Variants in KDELR3 observed in about 807,000 individuals in gnomAD.
KDELR3 encodes the protein KDEL endoplasmic reticulum protein retention receptor 3, also known as ER lumen protein-retaining receptor 3.
KDELR3 carries 26 observed loss-of-function variants against 22.7 expected under a neutral mutation model. That is an observed-to-expected ratio of 1.15 (90% CI 0.84 to 1.59). The LOEUF (loss-of-function observed/expected upper bound fraction) is 1.59, where lower values mean the gene tolerates loss of function less well. Ranked by LOEUF, KDELR3 falls within the 40% of genes most tolerant of loss-of-function variation. KDELR3 has a pLI of 0.00. For missense variants in KDELR3, 289 were observed against 251.1 expected (o/e 1.15, Z -1.02); for synonymous variants, 120 against 98.2 (o/e 1.22, Z -1.31).
In KDELR3 at chr22:38,468,123, A is replaced by AG; in HGVS notation, c.-108dup. On this transcript the variant is annotated 5_prime_UTR_variant, in exon 1 of 5. Transcript: ENST00000216014. The stretch of plus-strand genomic sequence containing the variant: ...GATCGCGGAGCTGTGAGGCGCAGGC[A>AG]GGGCTCTGGGGCACCTAGAGACCGG... The AG allele has an allele frequency of 2.2e-6, 2 of 890,194 alleles. No homozygotes were observed. Among genetic ancestry groups the AG allele is most frequent in the Non-Finnish European group, 3.6e-6 (2 of 555,184 alleles). 55.1% of individuals were successfully genotyped at this position (890,194 alleles called of 1,614,324 possible).
At position 38,481,355 on chromosome 22, in the gene KDELR3, C is replaced by G. The variant is rs752725188; in HGVS notation, c.495C>G (p.Asn165Lys). 2 of 1,614,202 alleles carry G rather than the reference C, an allele frequency of 1.2e-6. No homozygotes were observed. Among genetic ancestry groups the G allele is most frequent in the Non-Finnish European group, 1.7e-6 (2 of 1,180,046 alleles). ...TGTACCGGGCACTCTACCTGGCTAA[C>G]TGGATCAGGCGGTACCAGACTGAGA... ...LGLYRALYLA[N>K]WIRRYQTENF... The change falls in exon 4 of 5, where the codon AAC becomes AAG. Residue 165 changes from asparagine (N) to lysine (K), a missense_variant. Asn to Lys is a moderately conservative substitution (Grantham distance 94, BLOSUM62 0). Transcript: ENST00000216014.
intron 2 of KDELR3, among the ~76,000 whole-genome samples, chr22:38,475,312 C>T (rs1030301148): frequency 6.6e-6 from 1 of 151,710 alleles, no homozygotes; most frequent in Non-Finnish European, 1.5e-5. Context: ...TCCGCCTCTA[C>T]ATAAAATTTA....
intron 1 of KDELR3, among the ~76,000 whole-genome samples, chr22:38,471,288 G>A (rs1011680914): frequency 1.3e-5 from 2 of 152,184 alleles, no homozygotes; most frequent in African/African-American, 2.4e-5. Flanking sequence ...GTGACCAAGC[G>A]TCCCCCACCA....
intron 1 of KDELR3, among the ~76,000 whole-genome samples, chr22:38,470,385 G>A (rs978021147): frequency 2.0e-5 from 3 of 152,138 alleles, no homozygotes; most frequent in African/African-American, 2.4e-5. Context: ...CACCATGCCC[G>A]GCCAAGTGGT....
chr22:38,472,797 T>C (rs1431731840), intron 1 of KDELR3, among the ~76,000 whole-genome samples: 2 of 152,164 alleles, frequency 1.3e-5, no homozygotes. Context: ...CCTCCTGGGT[T>C]CAAGCGATTC....
chr22:38,474,862 C>T (rs1260408522), intron 2 of KDELR3, among the ~76,000 whole-genome samples: 2 of 151,628 alleles, frequency 1.3e-5, no homozygotes, highest in East Asian at 1.9e-4. Context: ...TTTGGGAGGC[C>T]GAGTCGGGCG....
At position 38,479,762 on chromosome 22, in the gene KDELR3, G is replaced by A. The variant is rs1281135939; in HGVS notation, c.351+11G>A. 7.4e-6 allele frequency: 12 copies of A among 1,613,702 alleles called. No homozygotes were observed. The highest frequency in any genetic ancestry group is 9.3e-6 in the Non-Finnish European group (11 of 1,179,720). ...TTCACTCTGCTGGAGGTAAGGGAAT[G>A]GACTGAGTACCAGTTCTCAAAGGGA... On this transcript the variant is annotated intron_variant, in intron 3 of 4. Transcript: ENST00000216014.
chr22:38,475,338 C>T lies in KDELR3; in HGVS notation c.192+715C>T, dbSNP rs115340677. ...ATAAAATTTAAGAAATTTAGCTGGG[C>T]GTAGTGGTGCTCATCTGTGGTCCCA... On this transcript the variant is annotated intron_variant, in intron 2 of 4. Transcript: ENST00000216014. Among the ~76,000 whole-genome samples, 568 of 152,068 alleles carry T rather than the reference C, an allele frequency of 3.7e-3. 6 individuals carry two copies. Among genetic ancestry groups the T allele is most frequent in the African/African-American group, 0.013 (535 of 41,474 alleles).
At chr22:38,480,171 TCTCA>T (rs1386361947) in intron 3 of KDELR3, among the ~76,000 whole-genome samples, 2 of 151,994 alleles carry the variant, frequency 1.3e-5, no homozygotes, top group Admixed American at 6.6e-5. Flanking sequence ...TGAGATGGAG[TCTCA>T]CTCTGTTGCC....
rs139900049 is a variant in KDELR3 at position 38,483,071 on chromosome 22, T to C, written c.*535T>C. ...GCCTTCAGGCCAGAAGCAAACCAAA[T>C]TTACCAGGTTTGGCTGGAGGAGTTT... On this transcript the variant is annotated 3_prime_UTR_variant, in exon 5 of 5. Coordinates refer to ENST00000216014, the MANE Select transcript of KDELR3 (RefSeq NM_006855.4). 5.9e-3 allele frequency: 899 copies of C among 153,018 alleles called. 9 individuals carry two copies. Among genetic ancestry groups the C allele is most frequent in the Admixed American group, 0.02 (315 of 15,388 alleles). The allele number at this position is 153,018 out of a possible 1,614,324, so 9.5% of individuals were successfully genotyped here.
intron 2 of KDELR3, among the ~76,000 whole-genome samples, chr22:38,479,261 G>A (rs1453769222): frequency 6.6e-6 from 1 of 152,018 alleles, no homozygotes; most frequent in East Asian, 1.9e-4. Flanking sequence ...TTTTAAAATT[G>A]TTTCAAGAGC....
intron 2 of KDELR3, among the ~76,000 whole-genome samples, chr22:38,477,361 T>C (rs999889954): frequency 2.6e-5 from 4 of 151,854 alleles, no homozygotes; most frequent in Non-Finnish European, 5.9e-5. Context: ...CACACCACCA[T>C]GCCTGGCTAA....
chr22:38,481,947 CAT>C lies in KDELR3; in HGVS notation c.604+486_604+487del, dbSNP rs57035889. Among the ~76,000 whole-genome samples, 891 of 152,334 alleles carry C rather than the reference CAT, an allele frequency of 5.8e-3. 7 individuals carry two copies. Among genetic ancestry groups the C allele is most frequent in the African/African-American group, 0.02 (837 of 41,568 alleles). ...AGCAAAAACAAACAAAAAGACACTT[CAT>C]ATGTTTTAAGAAAGTTTACAAATTC... On this transcript the variant is annotated intron_variant, in intron 4 of 4. Coordinates refer to ENST00000216014, the MANE Select transcript of KDELR3 (RefSeq NM_006855.4).
intron 2 of KDELR3, among the ~76,000 whole-genome samples, chr22:38,474,998 T>A (rs879740866): frequency 1.4e-5 from 2 of 144,264 alleles, no homozygotes; most frequent in Non-Finnish European, 3.0e-5. Context: ...GAGAGTTGCT[T>A]GAACTTGGGA....
chr22:38,477,353 C>T (rs1043960517), intron 2 of KDELR3, among the ~76,000 whole-genome samples: 3 of 151,142 alleles, frequency 2.0e-5, no homozygotes, highest in Admixed American at 1.3e-4. Flanking sequence ...TACAGGTGCA[C>T]ACCACCATGC....
At chr22:38,477,250 C>T (rs1024467731) in intron 2 of KDELR3, among the ~76,000 whole-genome samples, 10 of 149,416 alleles carry the variant, frequency 6.7e-5, no homozygotes, top group Non-Finnish European at 1.5e-4. Flanking sequence ...GTTGCCCAGG[C>T]TGGAGTGCAG....
In KDELR3 at chr22:38,482,556, A is replaced by G. The variant is rs1319920073; in HGVS notation, c.*20A>G. On this transcript the variant is annotated 3_prime_UTR_variant, in exon 5 of 5. Coordinates refer to ENST00000216014, the MANE Select transcript of KDELR3 (RefSeq NM_006855.4). The stretch of plus-strand genomic sequence containing the variant: ...ATCTGAGGACCTTCAGAGACAGTCT[A>G]CGCCTTAACAAGCACATGAAGGAAA... The G allele has an allele frequency of 6.2e-7, 1 of 1,600,398 alleles. No individual in the cohort carries two copies. The highest frequency in any genetic ancestry group is 1.7e-5 in the Admixed American group (1 of 59,944).
intron 2 of KDELR3, among the ~76,000 whole-genome samples, chr22:38,475,460 A>G (rs2089551555): frequency 6.6e-6 from 1 of 152,176 alleles, no homozygotes; most frequent in Admixed American, 6.5e-5. Context: ...TCTGGGCAAC[A>G]GAGTGAGATC....
intron 1 of KDELR3, chr22:38,474,307 C>G (rs1263716605): frequency 1.7e-5 from 8 of 476,602 alleles, no homozygotes; most frequent in Non-Finnish European, 3.0e-5. Context: ...GACTGGGAGA[C>G]AGATTACAGT....
Sources: allele counts gnomAD v4.1 joint callset (sites outside exome capture counted in the v4.1 genomes callset), GRCh38; gene constraint gnomAD v4.1.1; transcripts MANE v1.5; gene names NCBI Gene and HGNC (gene_info 2026-07-23, HGNC 2026-07-21).